The following AQP11 variants were observed in gnomAD, a reference collection of about 807,000 sequenced individuals.
AQP11 encodes the protein aquaporin 11, also known as aquaporin-11.
In AQP11, 20 loss-of-function variants were observed where a neutral mutation model predicts 21.1. The observed-to-expected ratio is 0.95, with a 90% CI of 0.67 to 1.38. The LOEUF is 1.38. Ranked by LOEUF, AQP11 falls within the 40% of genes most tolerant of loss-of-function variation. AQP11 has a pLI of 0.00. For missense variants in AQP11, 339 were observed against 340.4 expected, an observed-to-expected ratio of 1.00 and a Z score of 0.03; for synonymous variants, 167 against 150.1, an observed-to-expected ratio of 1.11 and a Z score of -0.82.
In AQP11 at chr11:77,596,558, ATATATG is replaced by A. The variant is rs1319286403; in HGVS notation, c.619+5951_619+5956del. On this transcript the variant is annotated intron_variant, in intron 1 of 2. Transcript: ENST00000313578. The stretch of plus-strand genomic sequence containing the variant: ...TGTAAATATATATATATATATATAT[ATATATG>A]TATGTAATGGTTAAGGCCAGGTATG... 3.1e-3 allele frequency among the ~76,000 whole-genome samples: 413 copies of A among 132,770 alleles called. 5 individuals carry two copies. The highest frequency in any genetic ancestry group is 9.9e-3 in the African/African-American group (341 of 34,586). The allele number at this position is 132,770 out of a possible 152,430, so 87.1% of individuals were successfully genotyped here.
At chr11:77,600,587 C>T (rs1417110016) in intron 1 of AQP11, among the ~76,000 whole-genome samples, 2 of 152,096 alleles carry the variant, frequency 1.3e-5, no homozygotes, top group African/African-American at 4.8e-5. Context: ...TGTATATCTA[C>T]CTATGTTAGT....
intron 1 of AQP11, among the ~76,000 whole-genome samples, chr11:77,593,896 A>C (rs1477371933): frequency 1.3e-5 from 2 of 152,236 alleles, no homozygotes. Flanking sequence ...GAATGAAGTT[A>C]TGATGTATAC....
At chr11:77,592,777 G>A (rs1229626750) in intron 1 of AQP11, among the ~76,000 whole-genome samples, 1 of 152,100 alleles carries the variant, frequency 6.6e-6, no homozygotes, top group South Asian at 2.1e-4. Context: ...TTCTTGAAAT[G>A]AGGGTACTAA....
intron 1 of AQP11, chr11:77,591,067 T>C: frequency 3.0e-6 from 3 of 985,372 alleles, no homozygotes; most frequent in Non-Finnish European, 3.6e-6. Context: ...GGTAGAAATT[T>C]TGTAGTTCCA....
chr11:77,593,289 T>A (rs1464367082), intron 1 of AQP11, among the ~76,000 whole-genome samples: 1 of 152,238 alleles, frequency 6.6e-6, no homozygotes, highest in African/African-American at 2.4e-5. Flanking sequence ...TCAGCTGTTA[T>A]AGGCCAAGCA....
chr11:77,591,127 CATTTT>C, intron 1 of AQP11: 1 of 970,490 alleles, frequency 1.0e-6, no homozygotes, highest in Non-Finnish European at 1.2e-6. Flanking sequence ...CTTAATAATT[CATTTT>C]GAGTTATGAA....
chr11:77,608,050 G>A (rs570298803), intron 2 of AQP11, among the ~76,000 whole-genome samples: 5 of 151,874 alleles, frequency 3.3e-5, no homozygotes, highest in African/African-American at 9.7e-5. Flanking sequence ...CAAACCTTAA[G>A]GTTTTTTGTT....
At chr11:77,593,669 AC>A (rs1245638841) in intron 1 of AQP11, among the ~76,000 whole-genome samples, 82 of 152,258 alleles carry the variant, frequency 5.4e-4, no homozygotes, top group African/African-American at 1.8e-3. Flanking sequence ...ACAAAAAAAA[AC>A]AACCCATCGA....
chr11:77,596,773 C>T (rs530718004), intron 1 of AQP11, among the ~76,000 whole-genome samples: 1 of 151,188 alleles, frequency 6.6e-6, no homozygotes, highest in Admixed American at 6.6e-5. Flanking sequence ...GACAGTAAGA[C>T]TGCTTGAGCC....
chr11:77,590,924 T>C (rs1018202870), intron 1 of AQP11: 24 of 985,324 alleles, frequency 2.4e-5, no homozygotes, highest in Non-Finnish European at 2.9e-5. Flanking sequence ...AGATAACTTA[T>C]TAACTGCCTC....
In AQP11 at chr11:77,591,912, C is replaced by T. The variant is rs112427571; in HGVS notation, c.619+1301C>T. ...GAAAGCAAGCCTTCCCAATCAATTT[C>T]CCCTTCTTTAGGTCTAGTACCACTT... On this transcript the variant is annotated intron_variant, in intron 1 of 2. Coordinates refer to ENST00000313578, the MANE Select transcript of AQP11 (RefSeq NM_173039.3). Among the ~76,000 whole-genome samples the T allele has an allele frequency of 4.9e-3, 751 of 151,984 alleles. 8 individuals carry two copies. The highest frequency in any genetic ancestry group is 0.017 in the African/African-American group (717 of 41,442).
At chr11:77,595,860 G>C (rs1958775364) in intron 1 of AQP11, among the ~76,000 whole-genome samples, 1 of 152,008 alleles carries the variant, frequency 6.6e-6, no homozygotes, top group Non-Finnish European at 1.5e-5. Context: ...GGTGGAGGTG[G>C]GAGGATCCCC....
chr11:77,596,229 A>G (rs1260277133), intron 1 of AQP11, among the ~76,000 whole-genome samples: 1 of 151,522 alleles, frequency 6.6e-6, no homozygotes, highest in Non-Finnish European at 1.5e-5. Context: ...TCACTACTCT[A>G]CTATTCTTTA....
Position 77,609,413 on chromosome 11 carries a change from C to A in AQP11, c.*36C>A. On this transcript the variant is annotated 3_prime_UTR_variant, in exon 3 of 3. Coordinates refer to ENST00000313578, the MANE Select transcript of AQP11 (RefSeq NM_173039.3). ...GACTCAGACTAACATACAGGACAGT[C>A]CAGCTGGATGTGATAAAGATTTTAT... 1 of 1,505,660 alleles carries A rather than the reference C, an allele frequency of 6.6e-7. No homozygotes were observed. Among genetic ancestry groups the A allele is most frequent in the Non-Finnish European group, 9.1e-7 (1 of 1,097,994 alleles). The allele number at this position is 1,505,660 out of a possible 1,614,324, so 93.3% of individuals were successfully genotyped here.
chr11:77,592,867 T>C (rs1233426059), intron 1 of AQP11, among the ~76,000 whole-genome samples: 1 of 152,200 alleles, frequency 6.6e-6, no homozygotes, highest in East Asian at 1.9e-4. Context: ...GGGAGCTCTT[T>C]AAACGTCCTT....
intron 2 of AQP11, among the ~76,000 whole-genome samples, chr11:77,608,495 C>A (rs1032679316): frequency 1.3e-5 from 2 of 152,084 alleles, no homozygotes; most frequent in Admixed American, 6.6e-5. Context: ...CGCCTGTAAT[C>A]CCATCTACTC....
chr11:77,604,119 TG>T (rs1958830957), intron 2 of AQP11, among the ~76,000 whole-genome samples: 1 of 152,212 alleles, frequency 6.6e-6, no homozygotes, highest in Non-Finnish European at 1.5e-5. Flanking sequence ...GTTTTTGTTT[TG>T]TTTTTTTTCG....
rs376216156 is a variant in AQP11, at chr11:77,590,142, G to A, written c.150G>A (p.Glu50=). The part of the protein sequence containing the change: ...HRPVAHAFVL[E]FLATFQLCCC... Reference sequence around the variant, plus strand: ...CGGTGGCCCACGCCTTCGTCCTGGAGTTTCTAGCCACCTTCCAGCTCTGCT... The same window carrying A: ...CGGTGGCCCACGCCTTCGTCCTGGAATTTCTAGCCACCTTCCAGCTCTGCT... The change falls in exon 1 of 3, where the codon GAG becomes GAA. Residue 50 remains glutamate (E), a synonymous_variant. Transcript: ENST00000313578. 1.2e-6 allele frequency: 2 copies of A among 1,608,602 alleles called. No homozygotes were observed. The highest frequency in any genetic ancestry group is 2.7e-5 in the African/African-American group (2 of 74,938).
chr11:77,591,115 T>C (rs1195137712), intron 1 of AQP11: 3 of 973,740 alleles, frequency 3.1e-6, no homozygotes. Context: ...ATTTCTTATT[T>C]CCTTAATAAT....
Sources: allele counts gnomAD v4.1 joint callset (sites outside exome capture counted in the v4.1 genomes callset), GRCh38; gene constraint gnomAD v4.1.1; transcripts MANE v1.5; gene names NCBI Gene and HGNC (gene_info 2026-07-23, HGNC 2026-07-21).